The following PDZRN3 variants were observed in gnomAD, a reference collection of about 807,000 sequenced individuals.
PDZRN3 encodes PDZ domain containing ring finger 3.
In PDZRN3, 38 loss-of-function variants were observed where a neutral mutation model predicts 85.7. The ratio of observed to expected loss-of-function variants is 0.44; its 90% CI spans 0.34 to 0.58. The LOEUF (loss-of-function observed/expected upper bound fraction) is 0.58, where lower values mean the gene tolerates loss of function less well. Ranked by LOEUF, PDZRN3 falls within the 20% of genes least tolerant of loss-of-function variation. The probability of loss-of-function intolerance (pLI) is 0.01; values close to 1 mark genes in which losing one functional copy is unlikely to be tolerated. For missense variants in PDZRN3, 1,629 were observed against 1,506.4 expected (o/e 1.08, Z -1.35); for synonymous variants, 759 against 638.0 (o/e 1.19, Z -2.86).
intron 5 of PDZRN3, among the ~76,000 whole-genome samples, chr3:73,399,040 C>T (rs573415187): frequency 7.9e-5 from 12 of 152,234 alleles, no homozygotes; most frequent in African/African-American, 2.9e-4. Flanking sequence ...TCTCCTGAAA[C>T]CATATGCAAG....
chr3:73,505,909 G>C lies in PDZRN3; in HGVS notation c.918+96445C>G, dbSNP rs956520251. On this transcript the variant is annotated intron_variant, in intron 3 of 9. Coordinates refer to ENST00000263666, the MANE Select transcript of PDZRN3 (RefSeq NM_015009.3). Reference sequence around the variant, plus strand: ...ATCCCTCTGTAATAAGCACAGAGGAGGCACTCAACCATCTTTTGGATGGTC... The same window carrying C: ...ATCCCTCTGTAATAAGCACAGAGGACGCACTCAACCATCTTTTGGATGGTC... 1.3e-5 allele frequency among the ~76,000 whole-genome samples: 2 copies of C among 152,104 alleles called. 1 individual carries two copies. The highest frequency in any genetic ancestry group is 4.8e-5 in the African/African-American group (2 of 41,390).
chr3:73,624,317 T>C lies in PDZRN3; in HGVS notation c.509A>G (p.Asn170Ser). ...GCCCAGGCGGGCCTGGAGCGCGCCG[T>C]TGTGCGCCCGCAGCGCTCGCGCGCA... ...HCCARALRAH[N>S]GALQARLGAL... Residue 170 changes from asparagine (N) to serine (S), a missense_variant, in exon 1 of 10, where the codon AAC becomes AGC. Transcript: ENST00000263666. The C allele has an allele frequency of 7.6e-7, 1 of 1,315,924 alleles. No individual in the cohort carries two copies. The highest frequency in any genetic ancestry group is 9.6e-7 in the Non-Finnish European group (1 of 1,040,140). The allele number at this position is 1,315,924 out of a possible 1,614,324, so 81.5% of individuals were successfully genotyped here.
intron 3 of PDZRN3, among the ~76,000 whole-genome samples, chr3:73,513,366 G>T (rs1359513065): frequency 1.3e-5 from 2 of 152,172 alleles, no homozygotes; most frequent in Admixed American, 1.3e-4. Context: ...AGGCATGGCG[G>T]TGATAAGAGA....
rs186969183 is a variant in PDZRN3, at chr3:73,415,376, T to C, written c.919-10981A>G. Among the ~76,000 whole-genome samples, 12 of 152,344 alleles carry C rather than the reference T, an allele frequency of 7.9e-5. No homozygotes were observed. In the East Asian group the frequency reaches 2.3e-3, roughly 29 times the overall value. On this transcript the variant is annotated intron_variant, in intron 3 of 9. Coordinates refer to ENST00000263666, the MANE Select transcript of PDZRN3 (RefSeq NM_015009.3). The stretch of plus-strand genomic sequence containing the variant: ...GGTGCAGACTATCATGCGTTAAGCC[T>C]GGAAGCATGGGCAAGGGCAGGCTAT...
intron 3 of PDZRN3, among the ~76,000 whole-genome samples, chr3:73,538,955 T>G (rs997158182): frequency 6.6e-6 from 1 of 152,192 alleles, no homozygotes; most frequent in African/African-American, 2.4e-5. Context: ...TTGATCAAAC[T>G]GCTTTCTAGT....
At position 73,429,362 on chromosome 3, in the gene PDZRN3, T is replaced by C. The variant is rs184270463; in HGVS notation, c.919-24967A>G. 2.7e-3 allele frequency among the ~76,000 whole-genome samples: 404 copies of C among 152,350 alleles called. 1 individual carries two copies. Among genetic ancestry groups the C allele is most frequent in the African/African-American group, 9.3e-3 (385 of 41,584 alleles). On this transcript the variant is annotated intron_variant, in intron 3 of 9. Transcript: ENST00000263666. ...TTTTGCCAGGTTCAAAACTGCTGTG[T>C]GGAGGTCAAGTTTATGTTCATCCAA... is the stretch of plus-strand genomic sequence containing the variant.
At chr3:73,428,511 G>A (rs1488389212) in intron 3 of PDZRN3, among the ~76,000 whole-genome samples, 2 of 152,178 alleles carry the variant, frequency 1.3e-5, no homozygotes, top group Non-Finnish European at 2.9e-5. Context: ...AACATGGGAG[G>A]CCAAATTAAC....
chr3:73,487,766 G>A (rs752035344), intron 3 of PDZRN3, among the ~76,000 whole-genome samples: 4 of 152,184 alleles, frequency 2.6e-5, no homozygotes, highest in Non-Finnish European at 4.4e-5. Context: ...GGCAAATGCA[G>A]AACATTTTTG....
At chr3:73,586,465 T>A (rs751896289) in intron 3 of PDZRN3, among the ~76,000 whole-genome samples, 4 of 152,206 alleles carry the variant, frequency 2.6e-5, no homozygotes, top group Non-Finnish European at 4.4e-5. Flanking sequence ...CATTTACTGA[T>A]TGAATACTCT....
chr3:73,438,330 A>G (rs1702569241), intron 3 of PDZRN3, among the ~76,000 whole-genome samples: 1 of 152,244 alleles, frequency 6.6e-6, no homozygotes, highest in African/African-American at 2.4e-5. Flanking sequence ...ACATGAACTT[A>G]TATTTATTTA....
intron 3 of PDZRN3, among the ~76,000 whole-genome samples, chr3:73,501,786 G>A (rs1368953441): frequency 3.3e-5 from 5 of 152,038 alleles, no homozygotes; most frequent in Admixed American, 1.3e-4. Flanking sequence ...AGGCTGAGGC[G>A]GGCAGATCAC....
intron 3 of PDZRN3, chr3:73,433,623 A>C: frequency 6.6e-7 from 1 of 1,511,150 alleles, no homozygotes; most frequent in Non-Finnish European, 8.9e-7. Context: ...CTATGGAATA[A>C]AATGCAGGGT....
At chr3:73,474,887 G>T (rs1051894116) in intron 3 of PDZRN3, among the ~76,000 whole-genome samples, 1 of 152,186 alleles carries the variant, frequency 6.6e-6, no homozygotes, top group African/African-American at 2.4e-5. Context: ...GAAGGGTGAT[G>T]CCTGGAAATT....
chr3:73,622,165 C>A (rs1702874944), intron 1 of PDZRN3, among the ~76,000 whole-genome samples: 1 of 152,192 alleles, frequency 6.6e-6, no homozygotes, highest in Non-Finnish European at 1.5e-5. Flanking sequence ...AAGGCTCACA[C>A]CAGTCTTTTG....
chr3:73,428,667 T>C (rs1702367961), intron 3 of PDZRN3, among the ~76,000 whole-genome samples: 1 of 152,186 alleles, frequency 6.6e-6, no homozygotes, highest in Admixed American at 6.5e-5. Flanking sequence ...CTTTGTGTCT[T>C]AAGAGGAGAC....
chr3:73,481,195 C>T (rs190831947), intron 3 of PDZRN3, among the ~76,000 whole-genome samples: 39 of 152,304 alleles, frequency 2.6e-4, no homozygotes, highest in African/African-American at 6.7e-4. Flanking sequence ...AGACTATGTG[C>T]GGTCATTAGG....
chr3:73,443,513 G>A (rs1167669193), intron 3 of PDZRN3, among the ~76,000 whole-genome samples: 3 of 131,092 alleles, frequency 2.3e-5, no homozygotes, highest in South Asian at 4.6e-4. Context: ...GGGGGACAGC[G>A]CTTGCTTTGT....
rs145527347 is a variant in PDZRN3 at position 73,548,133 on chromosome 3, C to T, written c.918+54221G>A. Among the ~76,000 whole-genome samples the T allele has an allele frequency of 4.7e-4, 72 of 152,252 alleles. 1 individual carries two copies. Among genetic ancestry groups the T allele is most frequent in the Admixed American group, 1.9e-3 (29 of 15,286 alleles). ...TGAACCTAAATTAAGACTAGGCCAACAACCCCGCGCCCACACCCCTTCCTC... is the reference window on the plus strand; with the variant it reads ...TGAACCTAAATTAAGACTAGGCCAATAACCCCGCGCCCACACCCCTTCCTC... On this transcript the variant is annotated intron_variant, in intron 3 of 9. Coordinates refer to ENST00000263666, the MANE Select transcript of PDZRN3 (RefSeq NM_015009.3).
In PDZRN3 at chr3:73,573,436, G is replaced by A. The variant is rs140723428; in HGVS notation, c.918+28918C>T. 5.2e-3 allele frequency among the ~76,000 whole-genome samples: 789 copies of A among 152,254 alleles called. 5 individuals carry two copies. The highest frequency in any genetic ancestry group is 7.8e-3 in the Non-Finnish European group (533 of 68,008). On this transcript the variant is annotated intron_variant, in intron 3 of 9. Coordinates refer to ENST00000263666, the MANE Select transcript of PDZRN3 (RefSeq NM_015009.3). ...AACTTTCTAGCAGAGGTTAACACAC[G>A]TCACTCACCAGGTCATATTTGTCCC... is the stretch of plus-strand genomic sequence containing the variant.
Sources: allele counts gnomAD v4.1 joint callset (sites outside exome capture counted in the v4.1 genomes callset), GRCh38; gene constraint gnomAD v4.1.1; transcripts MANE v1.5; gene names NCBI Gene and HGNC (gene_info 2026-07-23, HGNC 2026-07-21).